JMJD1C: variants seen among roughly 807,000 people sequenced by gnomAD.
The protein encoded by JMJD1C is jumonji domain-containing protein 1C.
JMJD1C carries 31 observed loss-of-function variants against 245.3 expected under a neutral mutation model. The ratio of observed to expected loss-of-function variants is 0.13; its 90% CI spans 0.09 to 0.17. The LOEUF is 0.17. Ranked by LOEUF, JMJD1C falls within the 10% of genes least tolerant of loss-of-function variation. The pLI is 1.00. For synonymous variants in JMJD1C, 1,057 were observed against 1,017.4 expected (o/e 1.04, Z -0.74); for missense variants, 2,691 against 3,000.2 (o/e 0.90, Z 2.41).
chr10:63,231,778 A>T (rs1330890643), intron 3 of JMJD1C, among the ~76,000 whole-genome samples: 2 of 152,170 alleles, frequency 1.3e-5, no homozygotes, highest in African/African-American at 4.8e-5. Context: ...TAGGCGACAG[A>T]GCGAGACTCC....
At chr10:63,292,763 G>A (rs981742462) in intron 2 of JMJD1C, among the ~76,000 whole-genome samples, 2 of 151,862 alleles carry the variant, frequency 1.3e-5, no homozygotes, top group African/African-American at 4.8e-5. Flanking sequence ...AACCACTTCC[G>A]GCTGGGTGTG....
At chr10:63,337,527 AGGGAGGGGAG>A (rs1397188860) in intron 2 of JMJD1C, among the ~76,000 whole-genome samples, 1 of 56,570 alleles carries the variant, frequency 1.8e-5, no homozygotes, top group African/African-American at 8.1e-5. Flanking sequence ...AGGGAGGGGA[AGGGAGGGGAG>A]GGGAGGAGAG....
intron 2 of JMJD1C, among the ~76,000 whole-genome samples, chr10:63,311,239 T>C (rs1347474506): frequency 7.0e-6 from 1 of 142,102 alleles, no homozygotes; most frequent in African/African-American, 2.6e-5. Flanking sequence ...ATTAGCTAAG[T>C]GTGGTGATGG....
intron 18 of JMJD1C, 30 bp downstream of exon 18, chr10:63,189,138 G>C (rs767204309): frequency 1.3e-6 from 2 of 1,559,450 alleles, no homozygotes; most frequent in African/African-American, 2.7e-5. Flanking sequence ...GTTCCACCAA[G>C]AGTGTTCTTT....
chr10:63,189,877 CAT>C (rs548503862), intron 17 of JMJD1C, among the ~76,000 whole-genome samples: 1 of 151,312 alleles, frequency 6.6e-6, no homozygotes, highest in Non-Finnish European at 1.5e-5. Context: ...CCCAATACTC[CAT>C]ATATATATAC....
At chr10:63,385,935 G>C (rs914992320) in intron 1 of JMJD1C, among the ~76,000 whole-genome samples, 3 of 152,058 alleles carry the variant, frequency 2.0e-5, no homozygotes, top group Admixed American at 6.5e-5. Context: ...AAAATGTTCA[G>C]AGCATATACG....
intron 2 of JMJD1C, among the ~76,000 whole-genome samples, chr10:63,338,457 G>A (rs1014395873): frequency 2.6e-5 from 4 of 151,532 alleles, no homozygotes; most frequent in Non-Finnish European, 5.9e-5. Flanking sequence ...TTAATGATTT[G>A]TTTTGTTGTT....
At chr10:63,444,728 T>C (rs765946287) in intron 1 of JMJD1C, among the ~76,000 whole-genome samples, 2 of 149,384 alleles carry the variant, frequency 1.3e-5, no homozygotes, top group Non-Finnish European at 3.0e-5. Flanking sequence ...TGAGTTCAAG[T>C]GATTCTCCTG....
rs185209198 is a variant in JMJD1C, at chr10:63,269,741, A to G, written c.334-4977T>C. Among the ~76,000 whole-genome samples, 4 of 152,322 alleles carry G rather than the reference A, an allele frequency of 2.6e-5. No homozygotes were observed. The East Asian group carries it at 7.7e-4, about 29-fold the overall frequency. On this transcript the variant is annotated intron_variant, in intron 2 of 25. Coordinates refer to ENST00000399262, the MANE Select transcript of JMJD1C (RefSeq NM_032776.3). ...GTAGATTTGAAAATATTCCTCAACC[A>G]TTTTCACTCATTACAAAAAACAACT... is the stretch of plus-strand genomic sequence containing the variant.
intron 2 of JMJD1C, among the ~76,000 whole-genome samples, chr10:63,296,468 G>T (rs1859445282): frequency 6.6e-6 from 1 of 152,120 alleles, no homozygotes; most frequent in Non-Finnish European, 1.5e-5. Context: ...TACATTTGGG[G>T]AGTATTTTAA....
At chr10:63,360,187 G>C (rs1410262837) in intron 2 of JMJD1C, among the ~76,000 whole-genome samples, 3 of 152,002 alleles carry the variant, frequency 2.0e-5, no homozygotes, top group Non-Finnish European at 4.4e-5. Context: ...CATGGTGGTG[G>C]TGCATTCTTA....
At chr10:63,254,131 T>A (rs1240429221) in intron 3 of JMJD1C, among the ~76,000 whole-genome samples, 1 of 152,166 alleles carries the variant, frequency 6.6e-6, no homozygotes, top group East Asian at 1.9e-4. Context: ...AGTATTTTAT[T>A]TTTGAATTTT....
intron 2 of JMJD1C, among the ~76,000 whole-genome samples, chr10:63,296,685 G>A (rs1859468474): frequency 6.6e-6 from 1 of 152,200 alleles, no homozygotes; most frequent in Non-Finnish European, 1.5e-5. Context: ...TCAAGGAAGT[G>A]CCATTTTGGG....
chr10:63,282,346 T>C (rs1857511326), intron 2 of JMJD1C, among the ~76,000 whole-genome samples: 2 of 152,224 alleles, frequency 1.3e-5, no homozygotes, highest in Admixed American at 6.5e-5. Context: ...TGATCACCTA[T>C]GTTAAGTAGT....
intron 10 of JMJD1C, chr10:63,202,185 C>T (rs1200230444): frequency 6.6e-6 from 3 of 453,396 alleles, no homozygotes; most frequent in East Asian, 1.5e-4. Flanking sequence ...TCCCAGGGGG[C>T]GGAAGTTGCA....
intron 2 of JMJD1C, among the ~76,000 whole-genome samples, chr10:63,337,179 T>A (rs1289109252): frequency 6.6e-6 from 1 of 151,782 alleles, no homozygotes; most frequent in East Asian, 1.9e-4. Flanking sequence ...AGAAATGCTT[T>A]GTAAAATCAT....
intron 2 of JMJD1C, among the ~76,000 whole-genome samples, chr10:63,375,278 C>T (rs1312685404): frequency 7.4e-6 from 1 of 135,308 alleles, no homozygotes; most frequent in Non-Finnish European, 1.5e-5. Flanking sequence ...CCTTGAATTT[C>T]TGGGCTCAAG....
At chr10:63,389,538 G>C (rs61459360) in intron 1 of JMJD1C, among the ~76,000 whole-genome samples, 1 of 146,430 alleles carries the variant, frequency 6.8e-6, no homozygotes, top group African/African-American at 2.5e-5. Flanking sequence ...CTGCACATTA[G>C]ACCAAATGGA....
At chr10:63,450,349 C>CAGCAGCATTATTACCAT (rs1240410084) in intron 1 of JMJD1C, among the ~76,000 whole-genome samples, 8 of 151,866 alleles carry the variant, frequency 5.3e-5, no homozygotes, top group African/African-American at 1.9e-4. Flanking sequence ...CTGATGTTCA[C>CAGCAGCATTATTACCAT]AGCAGCATTA....
Sources: allele counts gnomAD v4.1 joint callset (sites outside exome capture counted in the v4.1 genomes callset), GRCh38; gene constraint gnomAD v4.1.1; transcripts MANE v1.5; gene names NCBI Gene and HGNC (gene_info 2026-07-23, HGNC 2026-07-21).